The following LHCGR variants were observed in gnomAD, a reference collection of about 807,000 sequenced individuals.
The protein encoded by LHCGR is luteinizing hormone/choriogonadotropin receptor, also known as lutropin-choriogonadotropic hormone receptor.
In LHCGR, 55 loss-of-function variants were observed where a neutral mutation model predicts 60.7. That is an observed-to-expected ratio of 0.91 (90% CI 0.73 to 1.13). The LOEUF is 1.13. LHCGR is among the 50% of genes most tolerant of loss of function. The probability of loss-of-function intolerance (pLI) is 0.00; values close to 1 mark genes in which losing one functional copy is unlikely to be tolerated. For synonymous variants in LHCGR, 337 were observed against 316.5 expected, an observed-to-expected ratio of 1.06 and a Z score of -0.69; for missense variants, 862 against 836.0, an observed-to-expected ratio of 1.03 and a Z score of -0.38.
chr2:48,754,512 A>G (rs1285340492), intron 1 of LHCGR, among the ~76,000 whole-genome samples: 2 of 151,882 alleles, frequency 1.3e-5, no homozygotes, highest in African/African-American at 4.8e-5. Context: ...CCTACACTAT[A>G]GAATTTAAAG....
At chr2:48,734,373 A>G (rs1036648657) in intron 1 of LHCGR, among the ~76,000 whole-genome samples, 3 of 152,260 alleles carry the variant, frequency 2.0e-5, no homozygotes, top group South Asian at 2.1e-4. Context: ...GTTGAGAGGA[A>G]CAGAAGTGGG....
intron 7 of LHCGR, among the ~76,000 whole-genome samples, chr2:48,709,255 G>T (rs542294770): frequency 2.2e-4 from 34 of 152,156 alleles, no homozygotes; most frequent in Non-Finnish European, 4.0e-4. Flanking sequence ...CCTTCACTTG[G>T]TAGAACTCTG....
At chr2:48,715,650 G>A (rs986109851) in intron 6 of LHCGR, among the ~76,000 whole-genome samples, 1 of 152,162 alleles carries the variant, frequency 6.6e-6, no homozygotes, top group African/African-American at 2.4e-5. Flanking sequence ...TTTGTGGGGT[G>A]TGAGTATGTG....
chr2:48,731,906 A>G (rs558517330), intron 1 of LHCGR, among the ~76,000 whole-genome samples: 4 of 152,320 alleles, frequency 2.6e-5, no homozygotes, highest in South Asian at 2.1e-4. Context: ...GCCTATTTCA[A>G]TATTATTCCA....
chr2:48,718,643 T>C (rs1668366072), intron 6 of LHCGR, among the ~76,000 whole-genome samples: 1 of 152,166 alleles, frequency 6.6e-6, no homozygotes, highest in African/African-American at 2.4e-5. Flanking sequence ...ACAAACAGAA[T>C]TCTAAAGAAA....
rs566749702 is a variant in LHCGR, at chr2:48,686,840, T to C, written c.*857A>G. The C allele has an allele frequency of 1.3e-5, 2 of 152,220 alleles. No homozygotes were observed. Among genetic ancestry groups the C allele is most frequent in the African/African-American group, 2.4e-5 (1 of 41,462 alleles). The allele number at this position is 152,220 out of a possible 1,614,324, so 9.4% of individuals were successfully genotyped here. ...AATATAAGCTCTAGAAAAAATTGTT[T>C]TCATTATATGTTTCATAACTTCAGA... On this transcript the variant is annotated 3_prime_UTR_variant, in exon 11 of 11. Coordinates refer to ENST00000294954, the MANE Select transcript of LHCGR (RefSeq NM_000233.4).
chr2:48,717,777 C>T (rs1304754648), intron 6 of LHCGR, among the ~76,000 whole-genome samples: 2 of 150,834 alleles, frequency 1.3e-5, no homozygotes, highest in East Asian at 2.0e-4. Flanking sequence ...GGCTCTCAAA[C>T]ACCTTTGGTC....
At chr2:48,713,936 A>G (rs1668115976) in intron 7 of LHCGR, 50 bp downstream of exon 7, 5 of 1,319,428 alleles carry the variant, frequency 3.8e-6, no homozygotes. Context: ...TTGTAGCCAG[A>G]GTAATATTTC....
chr2:48,732,150 G>T (rs1669021639), intron 1 of LHCGR, among the ~76,000 whole-genome samples: 1 of 152,216 alleles, frequency 6.6e-6, no homozygotes, highest in South Asian at 2.1e-4. Flanking sequence ...TGGAGGTTAA[G>T]ATAACTCAGG....
At chr2:48,701,856 G>C (rs992996170) in intron 8 of LHCGR, among the ~76,000 whole-genome samples, 12 of 152,180 alleles carry the variant, frequency 7.9e-5, no homozygotes, top group Non-Finnish European at 1.5e-4. Flanking sequence ...GGGTTACCCT[G>C]CTCACCATTT....
At chr2:48,753,069 A>G (rs1468908948) in intron 1 of LHCGR, among the ~76,000 whole-genome samples, 6 of 146,062 alleles carry the variant, frequency 4.1e-5, no homozygotes, top group Non-Finnish European at 8.9e-5. Context: ...ACCTCCCTGG[A>G]GAGCTGTGCC....
At chr2:48,738,731 T>C (rs982271308) in intron 1 of LHCGR, among the ~76,000 whole-genome samples, 10 of 152,200 alleles carry the variant, frequency 6.6e-5, no homozygotes, top group African/African-American at 2.4e-4. Context: ...AAGTATAAAA[T>C]GCATACCAGG....
chr2:48,692,113 C>G (rs1351681337), intron 10 of LHCGR, among the ~76,000 whole-genome samples: 1 of 152,176 alleles, frequency 6.6e-6, no homozygotes, highest in Non-Finnish European at 1.5e-5. Context: ...CTGGCTTTAC[C>G]CCAAACCCTG....
At chr2:48,696,064 A>C (rs904031448) in intron 9 of LHCGR, among the ~76,000 whole-genome samples, 7 of 152,326 alleles carry the variant, frequency 4.6e-5, no homozygotes, top group East Asian at 1.9e-4. Flanking sequence ...AAAAAAAAAA[A>C]CAGTGGTTTC....
chr2:48,748,205 G>A (rs567040198), intron 1 of LHCGR, among the ~76,000 whole-genome samples: 54 of 152,172 alleles, frequency 3.5e-4, no homozygotes, highest in Non-Finnish European at 5.9e-4. Flanking sequence ...TCTACATCTG[G>A]AAGACTATAA....
chr2:48,755,605 G>T lies in LHCGR; in HGVS notation c.67C>A (p.Arg23=). Residue 23 remains arginine (R), a synonymous_variant, in exon 1 of 11, where the codon CGA becomes AGA. Coordinates refer to ENST00000294954, the MANE Select transcript of LHCGR (RefSeq NM_000233.4). ...LLLLLQPPLP[R]ALREALCPEP... is the part of the protein sequence containing the mutation. ...GGGCAGAGCGCCTCGCGCAGCGCTCGTGGCAGCGGCGGCTGCAGCAGCAGC... is the reference window on the plus strand; with the variant it reads ...GGGCAGAGCGCCTCGCGCAGCGCTCTTGGCAGCGGCGGCTGCAGCAGCAGC... 6.5e-7 allele frequency: 1 copy of T among 1,534,602 alleles called. No homozygotes were observed. Among genetic ancestry groups the T allele is most frequent in the Non-Finnish European group, 8.7e-7 (1 of 1,144,210 alleles).
chr2:48,726,137 C>T (rs1668715210), intron 3 of LHCGR, among the ~76,000 whole-genome samples: 1 of 152,064 alleles, frequency 6.6e-6, no homozygotes, highest in Non-Finnish European at 1.5e-5. Flanking sequence ...GAGAGATGAG[C>T]AAATTACCTA....
chr2:48,688,107 C>G lies in LHCGR; in HGVS notation c.1690G>C (p.Asp564His). 6.2e-7 allele frequency: 1 copy of G among 1,614,110 alleles called. No homozygotes were observed. Among genetic ancestry groups the G allele is most frequent in the South Asian group, 1.1e-5 (1 of 91,082 alleles). ...RNPELMATNKDTKIAKKMAIL... is the reference protein window; with the variant it reads ...RNPELMATNKHTKIAKKMAIL... ...GCCATTTTCTTAGCAATCTTTGTATCTTTATTGGTAGCCATTAATTCTGGG... is the reference window on the plus strand; with the variant it reads ...GCCATTTTCTTAGCAATCTTTGTATGTTTATTGGTAGCCATTAATTCTGGG... The change falls in exon 11 of 11, where the codon GAT becomes CAT. Residue 564 changes from aspartate to histidine, a missense_variant. Transcript: ENST00000294954. This position sits in a 1 kb window ranked among gnomAD's most constrained non-coding sequence, Gnocchi z 5.2.
At chr2:48,697,880 A>G (rs1306672763) in intron 9 of LHCGR, among the ~76,000 whole-genome samples, 1 of 152,250 alleles carries the variant, frequency 6.6e-6, no homozygotes, top group Non-Finnish European at 1.5e-5. Flanking sequence ...AGCATATTAC[A>G]TATTAAAAAG....
Sources: allele counts gnomAD v4.1 joint callset (sites outside exome capture counted in the v4.1 genomes callset), GRCh38; gene constraint gnomAD v4.1.1; non-coding constraint Gnocchi (gnomAD v3.1); transcripts MANE v1.5; gene names NCBI Gene and HGNC (gene_info 2026-07-23, HGNC 2026-07-21).